The following FZD3 variants were observed in gnomAD, a reference collection of about 807,000 sequenced individuals.
The protein encoded by FZD3 is frizzled class receptor 3.
A neutral mutation model predicts 60.7 loss-of-function variants in FZD3; 30 were observed. The observed-to-expected ratio is 0.49, with a 90% CI of 0.37 to 0.67. The LOEUF is 0.67. Ranked by LOEUF, FZD3 falls within the 30% of genes least tolerant of loss-of-function variation. FZD3 has a pLI of 0.00. For synonymous variants in FZD3, 246 were observed against 275.2 expected, an observed-to-expected ratio of 0.89 and a Z score of 1.05; for missense variants, 605 against 838.7, an observed-to-expected ratio of 0.72 and a Z score of 3.44.
intron 1 of FZD3, among the ~76,000 whole-genome samples, chr8:28,495,444 T>C (rs1803819614): frequency 6.6e-6 from 1 of 152,164 alleles, no homozygotes; most frequent in African/African-American, 2.4e-5. Flanking sequence ...TGATCGGGAA[T>C]GCTTATTGAT....
At chr8:28,537,572 GACA>G (rs1357822770) in intron 5 of FZD3, among the ~76,000 whole-genome samples, 1 of 152,058 alleles carries the variant, frequency 6.6e-6, no homozygotes, top group Non-Finnish European at 1.5e-5. Flanking sequence ...AGCAGCCATA[GACA>G]GTAAGTCAGC....
rs1416392949 is a variant in FZD3 at position 28,566,271 on chromosome 8, A to G, written c.*3260A>G. 2 of 152,186 alleles carry G rather than the reference A, an allele frequency of 1.3e-5. No individual in the cohort carries two copies. Among genetic ancestry groups the G allele is most frequent in the East Asian group, 1.9e-4 (1 of 5,206 alleles). 9.4% of individuals were successfully genotyped at this position (152,186 alleles called of 1,614,324 possible). The stretch of plus-strand genomic sequence containing the variant: ...GTACACCAAATGAAACATATTTTGC[A>G]TAGATAACAGTCCATATCACTATTA... On this transcript the variant is annotated 3_prime_UTR_variant, in exon 8 of 8. Coordinates refer to ENST00000240093, the MANE Select transcript of FZD3 (RefSeq NM_017412.4).
At chr8:28,530,089 CTGTGTGTGTGTGTGTG>C (rs59022036) in intron 5 of FZD3, among the ~76,000 whole-genome samples, 10,898 of 138,510 alleles carry the variant, frequency 0.079, 1,258 homozygotes, top group East Asian at 0.56. Context: ...TGAAATATAT[CTGTGTGTGTGTGTGTG>C]TGTGTGTGTG....
In FZD3 at chr8:28,571,515, G is replaced by A. The variant is rs918447707; in HGVS notation, c.*8504G>A. 6.6e-5 allele frequency: 10 copies of A among 152,068 alleles called. No individual in the cohort carries two copies. Among genetic ancestry groups the A allele is most frequent in the Admixed American group, 5.9e-4 (9 of 15,254 alleles). 9.4% of individuals were successfully genotyped at this position (152,068 alleles called of 1,614,324 possible). A position where few individuals can be genotyped will look rare whatever the true frequency, so the allele number is the denominator to read the frequency against. ...TAGTCTGGACATTCTCTTGCCATCAGGTGCTATTTCTACCTTAGCTGTGAG... is the reference window on the plus strand; with the variant it reads ...TAGTCTGGACATTCTCTTGCCATCAAGTGCTATTTCTACCTTAGCTGTGAG... On this transcript the variant is annotated 3_prime_UTR_variant, in exon 8 of 8. Transcript: ENST00000240093.
intron 5 of FZD3, among the ~76,000 whole-genome samples, chr8:28,540,451 T>C (rs1012536751): frequency 6.6e-6 from 1 of 152,132 alleles, no homozygotes; most frequent in African/African-American, 2.4e-5. Context: ...GGCCTTGAAC[T>C]CCTGACCTCA....
rs1339412030 is a variant in FZD3 at position 28,513,520 on chromosome 8, C to T, written c.190-7118C>T. On this transcript the variant is annotated intron_variant, in intron 3 of 7. Transcript: ENST00000240093. ...GAAAATAAACCTATGGGATTAAAGG[C>T]GTTTTTACAAACCTAAAGTTTTTTG... 2.6e-5 allele frequency among the ~76,000 whole-genome samples: 4 copies of T among 152,004 alleles called. No individual in the cohort carries two copies. In the East Asian group the frequency reaches 7.7e-4, roughly 29 times the overall value.
At position 28,566,629 on chromosome 8, in the gene FZD3, T is replaced by TA. The variant is rs1805709961; in HGVS notation, c.*3620dup. 6.6e-6 allele frequency: 1 copy of TA among 152,228 alleles called. No individual in the cohort carries two copies. Among genetic ancestry groups the TA allele is most frequent in the Non-Finnish European group, 1.5e-5 (1 of 68,036 alleles). 9.4% of individuals were successfully genotyped at this position (152,228 alleles called of 1,614,324 possible). On this transcript the variant is annotated 3_prime_UTR_variant, in exon 8 of 8. Coordinates refer to ENST00000240093, the MANE Select transcript of FZD3 (RefSeq NM_017412.4). ...TCTCTGTGAAATGAAAGGAACCACTTAATTTTTTTTATATAAATTAGTGAA... is the reference window on the plus strand; with the variant it reads ...TCTCTGTGAAATGAAAGGAACCACTTAAATTTTTTTTATATAAATTAGTGAA...
rs915791789 is a variant in FZD3 at position 28,556,478 on chromosome 8, A to G, written c.1787+507A>G. 6.6e-4 allele frequency among the ~76,000 whole-genome samples: 100 copies of G among 152,378 alleles called. 1 individual carries two copies. The highest frequency in any genetic ancestry group is 2.0e-3 in the African/African-American group (83 of 41,594). ...TCTTGTACAAATTAAATGAGATAGCATACCTAATTCCTTGGAACAGTGCCT... is the reference window on the plus strand; with the variant it reads ...TCTTGTACAAATTAAATGAGATAGCGTACCTAATTCCTTGGAACAGTGCCT... On this transcript the variant is annotated intron_variant, in intron 7 of 7. Coordinates refer to ENST00000240093, the MANE Select transcript of FZD3 (RefSeq NM_017412.4).
At chr8:28,494,396 CGGCG>C (rs1803778349) in intron 1 of FZD3, 53 bp downstream of exon 1, 1 of 152,344 alleles carries the variant, frequency 6.6e-6, no homozygotes, top group African/African-American at 2.4e-5. Flanking sequence ...GGAGAAGGAG[CGGCG>C]AGTGTGGAGC....
chr8:28,565,649 TATTAA>T lies in FZD3; in HGVS notation c.*2642_*2646del, dbSNP rs1246341872. The T allele has an allele frequency of 1.3e-5, 2 of 152,074 alleles. No individual in the cohort carries two copies. The highest frequency in any genetic ancestry group is 4.8e-5 in the African/African-American group (2 of 41,466). The allele number at this position is 152,074 out of a possible 1,614,324, so 9.4% of individuals were successfully genotyped here. A position where few individuals can be genotyped will look rare whatever the true frequency, so the allele number is the denominator to read the frequency against. On this transcript the variant is annotated 3_prime_UTR_variant, in exon 8 of 8. Coordinates refer to ENST00000240093, the MANE Select transcript of FZD3 (RefSeq NM_017412.4). The stretch of plus-strand genomic sequence containing the variant: ...TTTAGATAATCATTTGTATTTTCTC[TATTAA>T]ATTGTGGGTATGTATGGGAATACTA...
intron 4 of FZD3, among the ~76,000 whole-genome samples, chr8:28,521,513 G>A (rs1380270721): frequency 6.6e-6 from 1 of 152,046 alleles, no homozygotes; most frequent in Non-Finnish European, 1.5e-5. Context: ...TTAACAGTTT[G>A]TAATATTGGC....
At chr8:28,518,337 C>T (rs552513670) in intron 3 of FZD3, among the ~76,000 whole-genome samples, 11 of 152,088 alleles carry the variant, frequency 7.2e-5, no homozygotes, top group African/African-American at 2.2e-4. Flanking sequence ...AGATTACAGC[C>T]GTGAGCCATT....
chr8:28,539,190 C>T (rs1013544309), intron 5 of FZD3, among the ~76,000 whole-genome samples: 1 of 152,176 alleles, frequency 6.6e-6, no homozygotes, highest in South Asian at 2.1e-4. Flanking sequence ...GTATTTACTT[C>T]CCATCGCTTG....
chr8:28,557,591 C>T (rs2069121932), intron 7 of FZD3, among the ~76,000 whole-genome samples: 1 of 152,178 alleles, frequency 6.6e-6, no homozygotes, highest in African/African-American at 2.4e-5. Flanking sequence ...TATCCTTTAT[C>T]CATTTCCTTT....
rs887538857 is a variant in FZD3, at chr8:28,571,680, T to C, written c.*8669T>C. The C allele has an allele frequency of 1.3e-5, 2 of 152,236 alleles. No homozygotes were observed. Among genetic ancestry groups the C allele is most frequent in the Non-Finnish European group, 2.9e-5 (2 of 68,038 alleles). The allele number at this position is 152,236 out of a possible 1,614,324, so 9.4% of individuals were successfully genotyped here. A position where few individuals can be genotyped will look rare whatever the true frequency, so the allele number is the denominator to read the frequency against. On this transcript the variant is annotated 3_prime_UTR_variant, in exon 8 of 8. Coordinates refer to ENST00000240093, the MANE Select transcript of FZD3 (RefSeq NM_017412.4). ...TCAAATGTCAAATTGTATTTTTGTG[T>C]TTTATTTTCTCATTGAAGTGTAAAA...
intron 3 of FZD3, among the ~76,000 whole-genome samples, chr8:28,503,692 G>A (rs1464928509): frequency 6.6e-6 from 1 of 152,154 alleles, no homozygotes; most frequent in African/African-American, 2.4e-5. Context: ...GTTTAAATAA[G>A]GGTATATCTG....
intron 5 of FZD3, among the ~76,000 whole-genome samples, chr8:28,532,435 A>C (rs1002740808): frequency 2.0e-5 from 3 of 152,006 alleles, no homozygotes; most frequent in African/African-American, 7.3e-5. Flanking sequence ...AAAAATTTTT[A>C]ATTTATTTAT....
At chr8:28,516,291 T>G (rs1044906748) in intron 3 of FZD3, among the ~76,000 whole-genome samples, 8 of 152,214 alleles carry the variant, frequency 5.3e-5, no homozygotes, top group African/African-American at 1.9e-4. Flanking sequence ...CACTTTTGAT[T>G]CCTATAATAG....
In FZD3 at chr8:28,565,419, A is replaced by G. The variant is rs1431622988; in HGVS notation, c.*2408A>G. 6.6e-6 allele frequency: 1 copy of G among 152,218 alleles called. No individual in the cohort carries two copies. The highest frequency in any genetic ancestry group is 2.4e-5 in the African/African-American group (1 of 41,464). 9.4% of individuals were successfully genotyped at this position (152,218 alleles called of 1,614,324 possible). A position where few individuals can be genotyped will look rare whatever the true frequency, so the allele number is the denominator to read the frequency against. Reference sequence around the variant, plus strand: ...TCTGAGAATCTCTCCTGCAAACAGCATGAGAGAACTAAAACAAACATTCAC... The same window carrying G: ...TCTGAGAATCTCTCCTGCAAACAGCGTGAGAGAACTAAAACAAACATTCAC... On this transcript the variant is annotated 3_prime_UTR_variant, in exon 8 of 8. Coordinates refer to ENST00000240093, the MANE Select transcript of FZD3 (RefSeq NM_017412.4).
Sources: gnomAD v4.1 joint callset for allele counts (sites outside exome capture counted in the v4.1 genomes callset) on GRCh38, gnomAD v4.1.1 for gene constraint, MANE v1.5 for transcripts, NCBI Gene and HGNC (gene_info 2026-07-23, HGNC 2026-07-21) for gene names.